BNC2: variants seen among roughly 807,000 people sequenced by gnomAD.
BNC2 encodes the protein zinc finger protein basonuclin-2.
A neutral mutation model predicts 76.3 loss-of-function variants in BNC2; 20 were observed. The observed-to-expected ratio is 0.26, with a 90% CI of 0.18 to 0.38. BNC2 has a LOEUF of 0.38. BNC2 is among the 10% of genes least tolerant of loss of function. The pLI is 1.00. For synonymous variants in BNC2, 582 were observed against 514.8 expected (o/e 1.13, Z -1.77); for missense variants, 1,382 against 1,399.8 (o/e 0.99, Z 0.20).
At chr9:16,751,914 A>G (rs1389653998) in intron 1 of BNC2, among the ~76,000 whole-genome samples, 1 of 151,806 alleles carries the variant, frequency 6.6e-6, no homozygotes, top group African/African-American at 2.4e-5. Context: ...CTGTAATCTC[A>G]GCTACTCGGG....
intron 1 of BNC2, among the ~76,000 whole-genome samples, chr9:16,860,015 G>C (rs1230035893): frequency 6.6e-6 from 1 of 152,038 alleles, no homozygotes; most frequent in Non-Finnish European, 1.5e-5. Flanking sequence ...CCAGCTACTT[G>C]GGAGACTCAG....
At chr9:16,694,935 G>C (rs960568361) in intron 3 of BNC2, among the ~76,000 whole-genome samples, 3 of 152,166 alleles carry the variant, frequency 2.0e-5, no homozygotes, top group Non-Finnish European at 4.4e-5. Context: ...ATGAAAAGCT[G>C]TAGTAGTCTG....
In BNC2 at chr9:16,808,479, C is replaced by CTT. The variant is rs768028981; in HGVS notation, c.3+62165_3+62166dup. Among the ~76,000 whole-genome samples the CTT allele has an allele frequency of 9.2e-3, 727 of 78,722 alleles. 83 individuals are homozygous for CTT. Among genetic ancestry groups the CTT allele is most frequent in the African/African-American group, 0.03 (587 of 19,394 alleles). The allele number at this position is 78,722 out of a possible 152,430, so 51.6% of individuals were successfully genotyped here. Reference sequence around the variant, plus strand: ...ATCCTAGTTGTGTGATCTTGGGCAACTTTTTTTTTTTTTTTTTTTTTTTTT... The same window carrying CTT: ...ATCCTAGTTGTGTGATCTTGGGCAACTTTTTTTTTTTTTTTTTTTTTTTTTTT... On this transcript the variant is annotated intron_variant, in intron 1 of 6. Transcript: ENST00000380672.
intron 1 of BNC2, among the ~76,000 whole-genome samples, chr9:16,764,562 TA>T (rs1411504233): frequency 6.6e-6 from 1 of 152,212 alleles, no homozygotes; most frequent in African/African-American, 2.4e-5. Flanking sequence ...TCATTTTACT[TA>T]AGGCAATTTC....
intron 1 of BNC2, among the ~76,000 whole-genome samples, chr9:16,774,498 C>T (rs182927928): frequency 1.3e-3 from 204 of 152,320 alleles, no homozygotes; most frequent in African/African-American, 4.8e-3. Flanking sequence ...TGCTGTAGCT[C>T]AGGCTTCGAA....
intron 1 of BNC2, among the ~76,000 whole-genome samples, chr9:16,785,248 G>C (rs1260909081): frequency 6.6e-6 from 1 of 152,164 alleles, no homozygotes; most frequent in African/African-American, 2.4e-5. Context: ...CACTGGGCAG[G>C]TTTGTGCGAG....
intron 3 of BNC2, among the ~76,000 whole-genome samples, chr9:16,595,151 CCAGGAA>C (rs1457828344): frequency 1.3e-5 from 2 of 152,076 alleles, no homozygotes; most frequent in Non-Finnish European, 2.9e-5. Context: ...CAAGATATTC[CCAGGAA>C]CACTTGGTTT....
chr9:16,429,687 C>A, intron 6 of BNC2: 1 of 290,332 alleles, frequency 3.4e-6, no homozygotes, highest in Non-Finnish European at 6.9e-6. Flanking sequence ...GGTTATAATG[C>A]CACAAGAGAC....
intron 5 of BNC2, among the ~76,000 whole-genome samples, chr9:16,452,716 T>C (rs1483863288): frequency 1.3e-5 from 2 of 152,184 alleles, no homozygotes; most frequent in African/African-American, 2.4e-5. Flanking sequence ...GGCAGAACCA[T>C]TACAATTATA....
In BNC2 at chr9:16,419,642, C is replaced by T. The variant is rs531118224; in HGVS notation, c.2647G>A (p.Ala883Thr). 11 of 1,586,970 alleles carry T rather than the reference C, an allele frequency of 6.9e-6. No individual in the cohort carries two copies. Among genetic ancestry groups the T allele is most frequent in the East Asian group, 4.5e-5 (2 of 44,208 alleles). The change falls in exon 7 of 7, where the codon GCC becomes ACC. Residue 883 changes from alanine (A) to threonine (T), a missense_variant. Coordinates refer to ENST00000380672, the MANE Select transcript of BNC2 (RefSeq NM_017637.6). ...AGTTTACGATGTAGGTTTATGTTGG[C>T]ACTGTGTCTAGGAAAACAAGAGGGA... ...PSRRSRDRHS[A>T]NINLHRKLLT...
intron 5 of BNC2, among the ~76,000 whole-genome samples, chr9:16,442,830 G>C (rs1461070348): frequency 6.6e-6 from 1 of 152,082 alleles, no homozygotes; most frequent in African/African-American, 2.4e-5. Flanking sequence ...AAGCAGCCGG[G>C]CACGGTGACT....
chr9:16,448,349 A>G (rs1421285289), intron 5 of BNC2, among the ~76,000 whole-genome samples: 1 of 152,162 alleles, frequency 6.6e-6, no homozygotes, highest in Non-Finnish European at 1.5e-5. Context: ...ATTTTTTTAC[A>G]TGATGATGGT....
intron 3 of BNC2, among the ~76,000 whole-genome samples, chr9:16,643,012 G>A (rs988466976): frequency 1.3e-5 from 2 of 152,160 alleles, no homozygotes. Context: ...TAAAACTGCT[G>A]TCATGGTGCC....
In BNC2 at chr9:16,539,642, G is replaced by GGA. The variant is rs756610282; in HGVS notation, c.669+12886_669+12887dup. Among the ~76,000 whole-genome samples, 57 of 53,396 alleles carry GGA rather than the reference G, an allele frequency of 1.1e-3. 3 individuals carry two copies. Among genetic ancestry groups the GGA allele is most frequent in the African/African-American group, 4.2e-3 (51 of 12,224 alleles). 35.0% of individuals were successfully genotyped at this position (53,396 alleles called of 152,430 possible). A position where few individuals can be genotyped will look rare whatever the true frequency, so the allele number is the denominator to read the frequency against. ...AGAAGGGAGGGAGGGAGCGAGGGAG[G>GGA]GAGAGAGAGAGAGAAGGGAGGGAGG... On this transcript the variant is annotated intron_variant, in intron 5 of 6. Coordinates refer to ENST00000380672, the MANE Select transcript of BNC2 (RefSeq NM_017637.6).
At chr9:16,833,898 G>A (rs543836466) in intron 1 of BNC2, among the ~76,000 whole-genome samples, 5 of 152,122 alleles carry the variant, frequency 3.3e-5, no homozygotes, top group East Asian at 1.9e-4. Flanking sequence ...AGGTTCTCTC[G>A]GAACCAATTA....
intron 3 of BNC2, among the ~76,000 whole-genome samples, chr9:16,607,774 G>T (rs754415520): frequency 6.6e-6 from 1 of 152,080 alleles, no homozygotes; most frequent in Non-Finnish European, 1.5e-5. Flanking sequence ...CAGATGGAAG[G>T]CCCCTTAATA....
chr9:16,607,031 T>C (rs1820406616), intron 3 of BNC2, among the ~76,000 whole-genome samples: 1 of 152,026 alleles, frequency 6.6e-6, no homozygotes, highest in Non-Finnish European at 1.5e-5. Flanking sequence ...CACTGCAGCC[T>C]CAACCTCCTG....
chr9:16,420,706 C>CATATAT (rs35766150), intron 6 of BNC2, among the ~76,000 whole-genome samples: 2 of 150,522 alleles, frequency 1.3e-5, no homozygotes, highest in African/African-American at 4.9e-5. Flanking sequence ...TATTTTTTTA[C>CATATAT]ATATATATAT....
At chr9:16,615,641 T>C (rs1820675913) in intron 3 of BNC2, among the ~76,000 whole-genome samples, 2 of 152,210 alleles carry the variant, frequency 1.3e-5, no homozygotes, top group South Asian at 2.1e-4. Flanking sequence ...TATAAAAACA[T>C]TCAGCTTTAA....
Sources: allele counts gnomAD v4.1 joint callset (sites outside exome capture counted in the v4.1 genomes callset), GRCh38; gene constraint gnomAD v4.1.1; transcripts MANE v1.5; gene names NCBI Gene and HGNC (gene_info 2026-07-23, HGNC 2026-07-21).